PGCKA1: variants seen among roughly 807,000 people sequenced by gnomAD.
The protein encoded by PGCKA1 is PDCD10 and GCKIII kinases-associated protein 1.
chr4:37,502,391 A>G, the PGCKA1 span, among the ~76,000 whole-genome samples: 1 of 152,148 alleles, frequency 6.6e-6, no homozygotes, highest in Admixed American at 6.5e-5. Context: ...TGGTAGTGTT[A>G]GCACGTGGGT....
chr4:37,583,358 C>T, the PGCKA1 span, among the ~76,000 whole-genome samples: 1 of 152,300 alleles, frequency 6.6e-6, no homozygotes, highest in South Asian at 2.1e-4. Flanking sequence ...CCATTGCTAC[C>T]CTCCCAGCAA....
chr4:37,495,969 TTTGTCAGATGCA>T, the PGCKA1 span, among the ~76,000 whole-genome samples: 4 of 152,314 alleles, frequency 2.6e-5, no homozygotes, highest in African/African-American at 9.6e-5. Context: ...ATGTTAGACC[TTTGTCAGATGCA>T]TTGTCAGATG....
At chr4:37,576,756 C>A in the PGCKA1 span, among the ~76,000 whole-genome samples, 1 of 152,070 alleles carries the variant, frequency 6.6e-6, no homozygotes, top group Non-Finnish European at 1.5e-5. Flanking sequence ...ATGTTCCCTA[C>A]TATACCCAGT....
At chr4:37,502,634 C>G in the PGCKA1 span, among the ~76,000 whole-genome samples, 1 of 152,186 alleles carries the variant, frequency 6.6e-6, no homozygotes, top group East Asian at 1.9e-4. Flanking sequence ...TGCGTGCGCA[C>G]ATGGGTGCTA....
the PGCKA1 span, among the ~76,000 whole-genome samples, chr4:37,466,873 A>G: frequency 2.0e-5 from 3 of 152,210 alleles, no homozygotes; most frequent in Non-Finnish European, 4.4e-5. Flanking sequence ...CAAGGTGGGC[A>G]GATCACCTGA....
the PGCKA1 span, among the ~76,000 whole-genome samples, chr4:37,473,117 T>G: frequency 1.3e-5 from 2 of 152,076 alleles, no homozygotes; most frequent in African/African-American, 4.8e-5. Flanking sequence ...AGATCCTAAA[T>G]CCCAGGCTAA....
the PGCKA1 span, among the ~76,000 whole-genome samples, chr4:37,503,125 C>G: frequency 1.3e-5 from 2 of 152,174 alleles, no homozygotes; most frequent in African/African-American, 4.8e-5. Flanking sequence ...TAGCAGCTCT[C>G]CCTGCCAACT....
chr4:37,545,169 TTAATCTC>T, the PGCKA1 span, among the ~76,000 whole-genome samples: 1 of 152,176 alleles, frequency 6.6e-6, no homozygotes, highest in Non-Finnish European at 1.5e-5. Context: ...TTGCTTGGTT[TTAATCTC>T]TATCTTTATG....
the PGCKA1 span, among the ~76,000 whole-genome samples, chr4:37,489,868 A>G: frequency 6.6e-6 from 1 of 152,180 alleles, no homozygotes; most frequent in East Asian, 1.9e-4. Context: ...AGTGCAAATG[A>G]ATGTAACCTG....
the PGCKA1 span, among the ~76,000 whole-genome samples, chr4:37,566,243 TA>T: frequency 6.6e-6 from 1 of 152,112 alleles, no homozygotes; most frequent in African/African-American, 2.4e-5. Context: ...ACTTGGGCCA[TA>T]ATTTTTGTTT....
chr4:37,560,623 C>A, the PGCKA1 span, among the ~76,000 whole-genome samples: 16 of 136,142 alleles, frequency 1.2e-4, no homozygotes, highest in Admixed American at 1.1e-3. Flanking sequence ...CACATCTAGC[C>A]CTTTCAGCAG....
chr4:37,539,265 T>C, the PGCKA1 span, among the ~76,000 whole-genome samples: 1 of 152,210 alleles, frequency 6.6e-6, no homozygotes, highest in Non-Finnish European at 1.5e-5. Flanking sequence ...ATGCTTCTCT[T>C]GAGTGGCTGT....
chr4:37,456,012 G>A, the PGCKA1 span, among the ~76,000 whole-genome samples: 1 of 152,156 alleles, frequency 6.6e-6, no homozygotes, highest in Non-Finnish European at 1.5e-5. Flanking sequence ...TTACAGTCTT[G>A]GTTAAATAGT....
the PGCKA1 span, among the ~76,000 whole-genome samples, chr4:37,512,994 A>G: frequency 2.7e-4 from 41 of 151,930 alleles, no homozygotes; most frequent in Admixed American, 8.5e-4. Context: ...AGGCTGAGGT[A>G]GGAGAATCGC....
the PGCKA1 span, among the ~76,000 whole-genome samples, chr4:37,535,977 G>A: frequency 2.0e-5 from 3 of 152,230 alleles, no homozygotes; most frequent in Non-Finnish European, 4.4e-5. Flanking sequence ...CTCCTAAGTG[G>A]TTGTGAGGAT....
the PGCKA1 span, among the ~76,000 whole-genome samples, chr4:37,512,194 G>A: frequency 2.6e-5 from 4 of 152,162 alleles, no homozygotes; most frequent in Admixed American, 6.5e-5. Context: ...ACCAGGCACA[G>A]GACTAATCTG....
At chr4:37,491,122 G>A in the PGCKA1 span, among the ~76,000 whole-genome samples, 3 of 152,144 alleles carry the variant, frequency 2.0e-5, no homozygotes, top group African/African-American at 7.2e-5. Flanking sequence ...CAGCCAGCCA[G>A]CCTACTTCCA....
the PGCKA1 span, among the ~76,000 whole-genome samples, chr4:37,503,283 G>A: frequency 6.6e-6 from 1 of 152,162 alleles, no homozygotes; most frequent in Non-Finnish European, 1.5e-5. Context: ...GTTACCCTGG[G>A]CAGAACTCTC....
chr4:37,453,928 G>T, the PGCKA1 span: 1 of 152,648 alleles, frequency 6.6e-6, no homozygotes, highest in South Asian at 1.8e-4. Flanking sequence ...CGAGCTCGGC[G>T]GGCTCAGGGC....
Sources: gnomAD v4.1 joint callset for allele counts (sites outside exome capture counted in the v4.1 genomes callset) on GRCh38, gnomAD v4.1.1 for gene constraint, MANE v1.5 for transcripts, NCBI Gene and HGNC (gene_info 2026-07-23, HGNC 2026-07-21) for gene names.